The following PAICS variants were observed in gnomAD, a reference collection of about 807,000 sequenced individuals.
The protein encoded by PAICS is phosphoribosylaminoimidazole carboxylase and phosphoribosylaminoimidazolesuccinocarboxamide synthase, also known as bifunctional phosphoribosylaminoimidazole carboxylase/phosphoribosylaminoimidazole succinocarboxamide synthetase.
Under a neutral mutation model 53.7 loss-of-function variants are expected in PAICS, and 33 were observed. That is an observed-to-expected ratio of 0.61 (90% CI 0.47 to 0.82). The LOEUF is 0.82. Ranked by LOEUF, PAICS falls within the 40% of genes least tolerant of loss-of-function variation. The pLI, the probability that PAICS is intolerant of heterozygous loss-of-function variation, is 0.00. For synonymous variants in PAICS, 141 were observed against 167.2 expected (o/e 0.84, Z 1.21); for missense variants, 394 against 494.1 (o/e 0.80, Z 1.92).
At chr4:56,446,940 C>G (rs776322192) in intron 3 of PAICS, 67 bp downstream of exon 3, 16 of 997,294 alleles carry the variant, frequency 1.6e-5, no homozygotes, top group Non-Finnish European at 2.2e-5. Flanking sequence ...ATTAGAAACT[C>G]TAAAGGTTTA....
At chr4:56,416,069 C>CAA in the PAICS span, among the ~76,000 whole-genome samples, 23 of 139,450 alleles carry the variant, frequency 1.6e-4, no homozygotes, top group Non-Finnish European at 2.8e-4. Flanking sequence ...GACTCTGTCT[C>CAA]AAAAAAAAAA....
chr4:56,453,227 G>C (rs926482399), intron 7 of PAICS, among the ~76,000 whole-genome samples: 1 of 152,154 alleles, frequency 6.6e-6, no homozygotes, highest in Non-Finnish European at 1.5e-5. Flanking sequence ...CCCTGCACCA[G>C]TTGAGGGACC....
upstream of PAICS, chr4:56,435,359 A>T: frequency 6.2e-7 from 1 of 1,612,910 alleles, no homozygotes; most frequent in Non-Finnish European, 8.5e-7. Flanking sequence ...CCGGTGCTGC[A>T]GCCCCACGAG....
At chr4:56,437,439 T>C (rs1239296372) in intron 1 of PAICS, among the ~76,000 whole-genome samples, 1 of 152,134 alleles carries the variant, frequency 6.6e-6, no homozygotes, top group Admixed American at 6.5e-5. Flanking sequence ...CACACCCAGT[T>C]GCTATATGTA....
At chr4:56,417,702 A>G in the PAICS span, among the ~76,000 whole-genome samples, 1 of 152,100 alleles carries the variant, frequency 6.6e-6, no homozygotes, top group Non-Finnish European at 1.5e-5. Context: ...AGGAAGGCTC[A>G]CTTGAGCCCA....
intron 7 of PAICS, 56 bp from the exon 8 acceptor site, chr4:56,453,547 T>G: frequency 7.2e-5 from 79 of 1,091,746 alleles, no homozygotes; most frequent in Middle Eastern, 3.3e-4. Flanking sequence ...AAAAAAACCC[T>G]GTCTTTAAAT....
At position 56,460,712 on chromosome 4, in the gene PAICS, T is replaced by G. The variant is rs572765723; in HGVS notation, c.*1174T>G. On this transcript the variant is annotated 3_prime_UTR_variant, in exon 9 of 9. Coordinates refer to ENST00000512576, the MANE Select transcript of PAICS (RefSeq NM_001079524.2). ...GTAGCTGGGCACAGTGGCTCACACC[T>G]ACGATCACAGCACTTCGGGAGGCTG... 2 of 152,384 alleles carry G rather than the reference T, an allele frequency of 1.3e-5. No homozygotes were observed. Among genetic ancestry groups the G allele is most frequent in the Non-Finnish European group, 1.5e-5 (1 of 68,082 alleles). 9.4% of individuals were successfully genotyped at this position (152,384 alleles called of 1,614,324 possible).
intron 8 of PAICS, among the ~76,000 whole-genome samples, chr4:56,454,205 G>A (rs1470556395): frequency 6.6e-6 from 1 of 152,172 alleles, no homozygotes; most frequent in East Asian, 1.9e-4. Flanking sequence ...ATTAGTAGGT[G>A]ATTGGTGGAA....
intron 2 of PAICS, 26 bp downstream of exon 2, chr4:56,441,886 C>G: frequency 6.9e-7 from 1 of 1,441,440 alleles, no homozygotes; most frequent in Non-Finnish European, 9.5e-7. Flanking sequence ...AAAGTCTCTT[C>G]TCTCACCTTC....
intron 2 of PAICS, chr4:56,446,370 G>A (rs1251883478): frequency 9.8e-6 from 7 of 717,756 alleles, no homozygotes; most frequent in African/African-American, 1.7e-5. Context: ...CCTCATATAA[G>A]TCAAATCGTA....
In PAICS at chr4:56,463,770, T is replaced by C. The variant is rs6849183; in HGVS notation, c.*4232T>C. 29,232 of 151,638 alleles carry C rather than the reference T, an allele frequency of 0.19. 3,210 individuals carry two copies. Among genetic ancestry groups the C allele is most frequent in the Admixed American group, 0.35 (5,339 of 15,246 alleles). The allele number at this position is 151,638 out of a possible 1,614,324, so 9.4% of individuals were successfully genotyped here. A position where few individuals can be genotyped will look rare whatever the true frequency, so the allele number is the denominator to read the frequency against. On this transcript the variant is annotated 3_prime_UTR_variant, in exon 9 of 9. Coordinates refer to ENST00000512576, the MANE Select transcript of PAICS (RefSeq NM_001079524.2). ...CATTAATATAAAAATACATTGTGGA[T>C]ACTGATGAGATGGCTAATTCTGTCA...
the PAICS span, chr4:56,419,776 A>G: frequency 1.0e-6 from 1 of 984,876 alleles, no homozygotes; most frequent in Non-Finnish European, 1.2e-6. Context: ...GTGAGAAATA[A>G]GAGGATATTT....
the PAICS span, chr4:56,419,525 AACTGCTT>A: frequency 3.5e-6 from 1 of 283,850 alleles, no homozygotes; most frequent in Non-Finnish European, 5.3e-6. Context: ...CTATGGAGGA[AACTGCTT>A]TCTTTAATAA....
At chr4:56,415,289 T>C in the PAICS span, among the ~76,000 whole-genome samples, 1 of 152,188 alleles carries the variant, frequency 6.6e-6, no homozygotes, top group Non-Finnish European at 1.5e-5. Context: ...CAAAGAGCAA[T>C]CAAAAGATAC....
In PAICS at chr4:56,446,763, C is replaced by A. The variant is rs1380298440; in HGVS notation, c.283C>A (p.Pro95Thr). 1 of 1,606,566 alleles carries A rather than the reference C, an allele frequency of 6.2e-7. No individual in the cohort carries two copies. The highest frequency in any genetic ancestry group is 8.5e-7 in the Non-Finnish European group (1 of 1,175,684). ...CATTGCACCGCAGTGTGAAATGATT[C>A]CAATTGAATGGGTTTGCAGAAGAAT... ...AFIAPQCEMI[P>T]IEWVCRRIAT... The change falls in exon 3 of 9, where the codon CCA (proline) becomes ACA (threonine). Residue 95 changes from proline to threonine, a missense_variant. Around this residue, in one of 3 missense-constraint regions of PAICS, gnomAD observed 168 missense variants for 199.3 expected, o/e 0.84. Coordinates refer to ENST00000512576, the MANE Select transcript of PAICS (RefSeq NM_001079524.2).
At chr4:56,412,370 G>A in the PAICS span, among the ~76,000 whole-genome samples, 2 of 150,472 alleles carry the variant, frequency 1.3e-5, no homozygotes, top group African/African-American at 2.5e-5. Flanking sequence ...GTGCAGTGGT[G>A]TGATCTTGGC....
chr4:56,411,265 A>C, the PAICS span, among the ~76,000 whole-genome samples: 1 of 152,194 alleles, frequency 6.6e-6, no homozygotes, highest in South Asian at 2.1e-4. Context: ...AATATCAAAA[A>C]CATTGCTCAA....
At chr4:56,450,325 T>C (rs1023656519) in intron 5 of PAICS, among the ~76,000 whole-genome samples, 1 of 152,108 alleles carries the variant, frequency 6.6e-6, no homozygotes, top group African/African-American at 2.4e-5. Flanking sequence ...GTATTTAAAA[T>C]AAAAAATAAC....
chr4:56,425,478 C>G, the PAICS span: 2 of 533,776 alleles, frequency 3.7e-6, no homozygotes, highest in Non-Finnish European at 4.8e-6. Context: ...ATCTTAAATA[C>G]AGGCAACTTG....
Sources: allele counts gnomAD v4.1 joint callset (sites outside exome capture counted in the v4.1 genomes callset), GRCh38; gene constraint gnomAD v4.1.1; regional missense constraint gnomAD v4.1.1; transcripts MANE v1.5; gene names NCBI Gene and HGNC (gene_info 2026-07-23, HGNC 2026-07-21).